The following PBX1 variants were observed in gnomAD, a reference collection of about 807,000 sequenced individuals.
The protein encoded by PBX1 is PBX homeobox 1, also known as pre-B-cell leukemia transcription factor 1.
Under a neutral mutation model 53.4 loss-of-function variants are expected in PBX1, and 6 were observed. The ratio of observed to expected loss-of-function variants is 0.11; its 90% CI spans 0.06 to 0.22. The LOEUF (loss-of-function observed/expected upper bound fraction) is 0.22. Among genes scored for constraint, PBX1 ranks in the 10% least tolerant of loss-of-function variants. The pLI is 1.00. For missense variants in PBX1, 251 were observed against 551.4 expected (o/e 0.46, Z 5.46); for synonymous variants, 204 against 212.3 (o/e 0.96, Z 0.34).
intron 2 of PBX1, among the ~76,000 whole-genome samples, chr1:164,634,812 A>G (rs1183855603): frequency 6.6e-6 from 1 of 152,206 alleles, no homozygotes; most frequent in Non-Finnish European, 1.5e-5. Flanking sequence ...CTAGCCTATC[A>G]GGACCTGGAA....
intron 8 of PBX1, among the ~76,000 whole-genome samples, chr1:164,833,216 A>AAAAAG (rs1303052809): frequency 6.6e-6 from 1 of 152,176 alleles, no homozygotes; most frequent in African/African-American, 2.4e-5. Flanking sequence ...AAACAAAAAA[A>AAAAAG]AACAAAACCT....
chr1:164,694,395 G>T (rs375390094), intron 2 of PBX1, among the ~76,000 whole-genome samples: 15 of 152,150 alleles, frequency 9.9e-5, no homozygotes, highest in African/African-American at 3.4e-4. Context: ...GAGGACAGAG[G>T]ACTTATCTTC....
At chr1:164,872,041 G>A (rs1216744933) in intron 2 of PBX1, among the ~76,000 whole-genome samples, 1 of 152,044 alleles carries the variant, frequency 6.6e-6, no homozygotes, top group Non-Finnish European at 1.5e-5. Flanking sequence ...TTTTTGGGGT[G>A]GAATTTCAGG....
At chr1:164,780,800 A>T (rs1316173509) in intron 2 of PBX1, among the ~76,000 whole-genome samples, 1 of 152,118 alleles carries the variant, frequency 6.6e-6, no homozygotes, top group African/African-American at 2.4e-5. Context: ...GGAGCTCATA[A>T]TCTCAGTCGC....
chr1:164,694,394 G>A lies in PBX1; in HGVS notation c.266-98100G>A, dbSNP rs929651735. Among the ~76,000 whole-genome samples the A allele has an allele frequency of 5.9e-5, 9 of 152,152 alleles. No homozygotes were observed. In the East Asian group the frequency reaches 1.5e-3, roughly 26 times the overall value. On this transcript the variant is annotated intron_variant, in intron 2 of 8. Coordinates refer to ENST00000420696, the MANE Select transcript of PBX1 (RefSeq NM_002585.4). ...CATCTGTGATCTCACTGAGGACAGA[G>A]GACTTATCTTCTTTGTCAACCGCTG...
chr1:164,597,728 G>A (rs142703152), intron 2 of PBX1, among the ~76,000 whole-genome samples: 318 of 152,052 alleles, frequency 2.1e-3, no homozygotes, highest in Non-Finnish European at 3.4e-3. Flanking sequence ...TTGGGGTCTC[G>A]CAGCCATGTT....
chr1:164,585,602 T>C (rs761113007), intron 2 of PBX1, among the ~76,000 whole-genome samples: 5 of 152,210 alleles, frequency 3.3e-5, no homozygotes, highest in Non-Finnish European at 7.4e-5. Flanking sequence ...AACATTTCTT[T>C]TGGCTTGGTT....
At chr1:164,870,326 T>TTTCC (rs1201589060) in intron 2 of PBX1, among the ~76,000 whole-genome samples, 2 of 115,854 alleles carry the variant, frequency 1.7e-5, no homozygotes, top group African/African-American at 3.5e-5. Context: ...TCTTTCTTTC[T>TTTCC]TTCTTTCTTT....
rs1393297900 is a variant in PBX1 at position 164,559,409 on chromosome 1, T to C, written c.-414T>C. ...CCTTCCTCTCCTTTCTCCCGATCAA[T>C]GCATATTTGCAAAAGGATTAAGCCA... On this transcript the variant is annotated 5_prime_UTR_variant, in exon 1 of 9. The change abolishes an upstream ATG in the 5' untranslated region. Transcript: ENST00000420696. 1 of 236,178 alleles carries C rather than the reference T, an allele frequency of 4.2e-6. No homozygotes were observed. The highest frequency in any genetic ancestry group is 8.3e-6 in the Non-Finnish European group (1 of 120,464). The allele number at this position is 236,178 out of a possible 1,614,324, so 14.6% of individuals were successfully genotyped here.
chr1:164,655,896 G>C (rs951065149), intron 2 of PBX1, among the ~76,000 whole-genome samples: 10 of 152,154 alleles, frequency 6.6e-5, no homozygotes, highest in Non-Finnish European at 1.3e-4. Flanking sequence ...GACAAATGAG[G>C]CTATGGCTGC....
At chr1:164,612,283 T>C (rs1448692442) in intron 2 of PBX1, among the ~76,000 whole-genome samples, 1 of 152,168 alleles carries the variant, frequency 6.6e-6, no homozygotes, top group Non-Finnish European at 1.5e-5. Flanking sequence ...CCCCTTTTAA[T>C]GCAATTTTGC....
chr1:164,592,679 C>T (rs1655474811), intron 2 of PBX1, among the ~76,000 whole-genome samples: 1 of 152,192 alleles, frequency 6.6e-6, no homozygotes, highest in Non-Finnish European at 1.5e-5. Context: ...AAAAGCAGTA[C>T]AGGATCTACG....
intron 2 of PBX1, among the ~76,000 whole-genome samples, chr1:164,744,482 C>T (rs1665787864): frequency 6.6e-6 from 1 of 152,168 alleles, no homozygotes; most frequent in Admixed American, 6.5e-5. Context: ...TTTTTGTAGC[C>T]TCCATAGGTA....
chr1:164,773,243 G>GCGCACACACACACACACACACACA (rs113836981), intron 2 of PBX1, among the ~76,000 whole-genome samples: 1 of 147,680 alleles, frequency 6.8e-6, no homozygotes, highest in African/African-American at 2.5e-5. Context: ...GGTAACACGC[G>GCGCACACACACACACACACACACA]CACACACACA....
chr1:164,753,671 G>A (rs962919964), intron 2 of PBX1, among the ~76,000 whole-genome samples: 3 of 152,220 alleles, frequency 2.0e-5, no homozygotes, highest in Admixed American at 6.5e-5. Flanking sequence ...TTGTGGAAAT[G>A]AGAGTGGCTT....
chr1:164,800,658 T>C (rs1237591807), intron 4 of PBX1, among the ~76,000 whole-genome samples: 3 of 152,244 alleles, frequency 2.0e-5, no homozygotes, highest in African/African-American at 7.2e-5. Context: ...GCCTGTAAGA[T>C]AGTAATAGTC....
chr1:164,717,030 C>A (rs1449222057), intron 2 of PBX1, among the ~76,000 whole-genome samples: 1 of 152,016 alleles, frequency 6.6e-6, no homozygotes, highest in Non-Finnish European at 1.5e-5. Flanking sequence ...AAGTCAGCAG[C>A]AGGACATTAT....
At chr1:164,564,696 G>A (rs1653308535) in intron 2 of PBX1, among the ~76,000 whole-genome samples, 1 of 152,134 alleles carries the variant, frequency 6.6e-6, no homozygotes. Context: ...TTAGCTGTGA[G>A]ACAACTTTTA....
At chr1:164,700,237 G>A (rs184315717) in intron 2 of PBX1, among the ~76,000 whole-genome samples, 57 of 152,176 alleles carry the variant, frequency 3.7e-4, no homozygotes, top group African/African-American at 1.3e-3. Flanking sequence ...AGGAGTGGAG[G>A]CAAACGCATT....
Sources: allele counts gnomAD v4.1 joint callset (sites outside exome capture counted in the v4.1 genomes callset), GRCh38; gene constraint gnomAD v4.1.1; transcripts MANE v1.5; gene names NCBI Gene and HGNC (gene_info 2026-07-23, HGNC 2026-07-21).